Variants in SNX7 observed in about 807,000 individuals in gnomAD.
SNX7 encodes sorting nexin-7.
In SNX7, 35 loss-of-function variants were observed where a neutral mutation model predicts 48.4. The ratio of observed to expected loss-of-function variants is 0.72; its 90% CI spans 0.55 to 0.96. SNX7 has a LOEUF of 0.96. SNX7 is among the 40% of genes least tolerant of loss of function. The probability of loss-of-function intolerance (pLI) is 0.00; values close to 1 mark genes in which losing one functional copy is unlikely to be tolerated. For synonymous variants in SNX7, 190 were observed against 190.2 expected (o/e 1.00, Z 0.01); for missense variants, 553 against 548.9 (o/e 1.01, Z -0.07).
chr1:98,713,175 A>T (rs559371259), intron 7 of SNX7, among the ~76,000 whole-genome samples: 5 of 151,756 alleles, frequency 3.3e-5, no homozygotes, highest in South Asian at 4.2e-4. Flanking sequence ...TCATAGTTAG[A>T]TCTTCTGGAT....
At chr1:98,756,525 G>A (rs1654865774) in intron 8 of SNX7, among the ~76,000 whole-genome samples, 1 of 147,326 alleles carries the variant, frequency 6.8e-6, no homozygotes, top group African/African-American at 2.5e-5. Flanking sequence ...TGCCTGATGG[G>A]ATTCTGTACT....
intron 1 of SNX7, among the ~76,000 whole-genome samples, chr1:98,683,156 A>G (rs1184434356): frequency 6.6e-6 from 1 of 152,088 alleles, no homozygotes; most frequent in Non-Finnish European, 1.5e-5. Flanking sequence ...GCTCTGTTCT[A>G]TCTGCTTCCT....
intron 7 of SNX7, among the ~76,000 whole-genome samples, chr1:98,718,733 G>T (rs1478907824): frequency 1.3e-5 from 2 of 152,052 alleles, no homozygotes; most frequent in Non-Finnish European, 2.9e-5. Context: ...AGTTACTTCT[G>T]TAGCCTTCCA....
At chr1:98,735,566 C>T (rs1480115295) in intron 7 of SNX7, among the ~76,000 whole-genome samples, 1 of 152,040 alleles carries the variant, frequency 6.6e-6, no homozygotes, top group Non-Finnish European at 1.5e-5. Flanking sequence ...AGAAGAATGA[C>T]ATATTACCAG....
Position 98,685,072 on chromosome 1 carries a change from A to T in SNX7, c.363+5A>T. The T allele has an allele frequency of 6.9e-7, 1 of 1,439,034 alleles. No individual in the cohort carries two copies. The highest frequency in any genetic ancestry group is 9.2e-7 in the Non-Finnish European group (1 of 1,082,370). 89.1% of individuals were successfully genotyped at this position (1,439,034 alleles called of 1,614,324 possible). A position where few individuals can be genotyped will look rare whatever the true frequency, so the allele number is the denominator to read the frequency against. ...ACGTATAGGATTATTACTAAGGTAAACATTTGGTGAATATTTTCTTGAATA... is the reference window on the plus strand; with the variant it reads ...ACGTATAGGATTATTACTAAGGTAATCATTTGGTGAATATTTTCTTGAATA... On this transcript the variant is annotated splice_donor_5th_base_variant and intron_variant, in intron 2 of 8. Transcript: ENST00000306121.
At chr1:98,727,007 G>A (rs1046242531) in intron 7 of SNX7, among the ~76,000 whole-genome samples, 5 of 152,098 alleles carry the variant, frequency 3.3e-5, no homozygotes, top group Admixed American at 6.5e-5. Context: ...TCAGAAGATC[G>A]AGACCATCCT....
intron 7 of SNX7, among the ~76,000 whole-genome samples, chr1:98,718,839 A>G (rs989977068): frequency 3.9e-5 from 6 of 152,076 alleles, no homozygotes; most frequent in Admixed American, 1.3e-4. Context: ...GTGCTTTTTT[A>G]ATGTAGTAAG....
chr1:98,703,975 A>G (rs1050052150), intron 7 of SNX7, among the ~76,000 whole-genome samples: 16 of 152,120 alleles, frequency 1.1e-4, no homozygotes, highest in African/African-American at 3.9e-4. Context: ...TTCATGTTTT[A>G]AAATGAAAAG....
chr1:98,661,539 C>A (rs1449912491), upstream of SNX7, among the ~76,000 whole-genome samples: 2 of 152,182 alleles, frequency 1.3e-5, no homozygotes, highest in Non-Finnish European at 2.9e-5. Context: ...GCCCCTCCAG[C>A]CCGCCCCAGG....
chr1:98,683,057 T>C (rs906029441), intron 1 of SNX7, among the ~76,000 whole-genome samples: 1 of 152,218 alleles, frequency 6.6e-6, no homozygotes, highest in Non-Finnish European at 1.5e-5. Context: ...CTCTGAATTT[T>C]CTTTTTAAAA....
intron 8 of SNX7, among the ~76,000 whole-genome samples, chr1:98,754,650 C>T (rs7527179): frequency 0.15 from 23,479 of 151,916 alleles, 1,898 homozygotes; most frequent in South Asian, 0.19. Flanking sequence ...GGAATCCGAA[C>T]TAACATTAAC....
intron 7 of SNX7, among the ~76,000 whole-genome samples, chr1:98,703,477 G>A (rs909089335): frequency 3.9e-5 from 6 of 151,954 alleles, no homozygotes. Flanking sequence ...GGGGAGTGGT[G>A]GGCTGCTGTA....
intron 1 of SNX7, among the ~76,000 whole-genome samples, chr1:98,683,420 T>G (rs1650610657): frequency 6.6e-6 from 1 of 152,070 alleles, no homozygotes; most frequent in Non-Finnish European, 1.5e-5. Context: ...GTATGAATAT[T>G]TGTGTCCACC....
chr1:98,736,538 A>T (rs1333567713), intron 7 of SNX7, among the ~76,000 whole-genome samples: 3 of 152,162 alleles, frequency 2.0e-5, no homozygotes, highest in Admixed American at 6.6e-5. Context: ...ATTCAGCAAA[A>T]TACCCAGAAG....
intron 7 of SNX7, among the ~76,000 whole-genome samples, chr1:98,711,214 G>A (rs761325528): frequency 4.6e-5 from 7 of 151,890 alleles, no homozygotes; most frequent in Non-Finnish European, 7.4e-5. Context: ...ACAGGGTTTC[G>A]CCATGTTGGC....
At chr1:98,668,771 A>C (rs1327555309) in intron 1 of SNX7, among the ~76,000 whole-genome samples, 1 of 152,310 alleles carries the variant, frequency 6.6e-6, no homozygotes, top group African/African-American at 2.4e-5. Context: ...TGAAGGGCAA[A>C]ACTAGGACCA....
intron 8 of SNX7, among the ~76,000 whole-genome samples, chr1:98,751,203 T>C (rs1166376767): frequency 6.6e-6 from 1 of 152,046 alleles, no homozygotes; most frequent in Non-Finnish European, 1.5e-5. Context: ...ATACCATTAT[T>C]GTCACCATTT....
At chr1:98,704,785 A>C (rs771108192) in intron 7 of SNX7, among the ~76,000 whole-genome samples, 4 of 152,096 alleles carry the variant, frequency 2.6e-5, no homozygotes, top group Admixed American at 6.6e-5. Context: ...GCCTTCAGAG[A>C]CTCCATCAAA....
intron 8 of SNX7, among the ~76,000 whole-genome samples, chr1:98,738,696 G>A (rs184939424): frequency 3.3e-3 from 502 of 152,298 alleles, no homozygotes; most frequent in Middle Eastern, 0.014. Context: ...AGACTTGAAT[G>A]AGCAGAAAAT....
Sources: allele counts gnomAD v4.1 joint callset (sites outside exome capture counted in the v4.1 genomes callset), GRCh38; gene constraint gnomAD v4.1.1; transcripts MANE v1.5; gene names NCBI Gene and HGNC (gene_info 2026-07-23, HGNC 2026-07-21).